CDH1: variants seen among roughly 807,000 people sequenced by gnomAD.
CDH1 encodes the protein cadherin 1, also known as cadherin-1.
CDH1 carries 35 observed loss-of-function variants against 84.5 expected under a neutral mutation model. The observed-to-expected ratio is 0.41, with a 90% confidence interval of 0.32 to 0.55. The LOEUF (loss-of-function observed/expected upper bound fraction) is 0.55, where lower values mean the gene tolerates loss of function less well. Ranked by LOEUF, CDH1 falls within the 20% of genes least tolerant of loss-of-function variation. CDH1 has a pLI of 0.19. For missense variants in CDH1, 994 were observed against 1,126.6 expected (o/e 0.88, Z 1.68); for synonymous variants, 417 against 439.0 (o/e 0.95, Z 0.63).
rs1340886974 is a variant in CDH1, at chr16:68,835,022, AT to A, written c.*1524del. ...CCGTGGTTTGTACTCAAAGCCCAGA[AT>A]CCCCAAGTGCCTGCTTTTGATGATG... is the stretch of plus-strand genomic sequence containing the variant. On this transcript the variant is annotated 3_prime_UTR_variant, in exon 16 of 16. Transcript: ENST00000261769. 4.3e-6 allele frequency: 1 copy of A among 231,986 alleles called. No homozygotes were observed. The highest frequency in any genetic ancestry group is 6.0e-5 in the East Asian group (1 of 16,542). The allele number at this position is 231,986 out of a possible 1,614,324, so 14.4% of individuals were successfully genotyped here.
chr16:68,749,266 G>T (rs1199196103), intron 2 of CDH1, among the ~76,000 whole-genome samples: 1 of 152,230 alleles, frequency 6.6e-6, no homozygotes, highest in African/African-American at 2.4e-5. Flanking sequence ...GAACAATTCA[G>T]GGGAGGAAAA....
chr16:68,794,563 AGGGT>A (rs1960303182), intron 2 of CDH1, among the ~76,000 whole-genome samples: 5 of 151,636 alleles, frequency 3.3e-5, no homozygotes, highest in Non-Finnish European at 1.5e-5. Context: ...TTTGTCACCT[AGGGT>A]GGAGTGTGGT....
intron 10 of CDH1, among the ~76,000 whole-genome samples, chr16:68,818,586 C>G (rs1345941400): frequency 2.0e-5 from 3 of 147,674 alleles, no homozygotes; most frequent in African/African-American, 7.5e-5. Context: ...CGGTGGCTCA[C>G]GCCTGTAATC....
intron 5 of CDH1, among the ~76,000 whole-genome samples, chr16:68,809,778 G>A (rs184194593): frequency 2.0e-5 from 3 of 152,174 alleles, no homozygotes; most frequent in Non-Finnish European, 4.4e-5. Flanking sequence ...TGCCCACCTC[G>A]GCCTCCCAAA....
intron 2 of CDH1, among the ~76,000 whole-genome samples, chr16:68,790,104 C>T (rs1597876901): frequency 6.6e-6 from 1 of 152,128 alleles, no homozygotes; most frequent in South Asian, 2.1e-4. Flanking sequence ...CTGTGCAGCA[C>T]ATTAGACCCT....
chr16:68,785,730 C>T (rs1960029479), intron 2 of CDH1, among the ~76,000 whole-genome samples: 1 of 147,216 alleles, frequency 6.8e-6, no homozygotes, highest in Non-Finnish European at 1.5e-5. Flanking sequence ...CCCTGCAGAG[C>T]ATAAAGAGCT....
At chr16:68,832,300 T>A (rs1465803728) in intron 15 of CDH1, among the ~76,000 whole-genome samples, 1 of 151,876 alleles carries the variant, frequency 6.6e-6, no homozygotes, top group African/African-American at 2.4e-5. Flanking sequence ...TTTTTTTTTT[T>A]AAGTATGCTT....
In CDH1 at chr16:68,822,153, A is replaced by T. The variant is rs367849039; in HGVS notation, c.1864A>T (p.Asn622Tyr). ...CATCATTGATGCAGACCTTCCTCCC[A>T]ATACATCTCCCTTCACAGCAGAACT... The part of the protein sequence containing the change: ...INIIDADLPP[N>Y]TSPFTAELTH... Residue 622 changes from asparagine (N) to tyrosine (Y), a missense_variant, in exon 12 of 16, where the codon AAT (asparagine) becomes TAT (tyrosine). By Grantham distance (143) the Asn-to-Tyr change is moderately radical. This residue lies in a region of CDH1 where 769 missense variants were observed against 881.8 expected (regional missense o/e 0.87). Coordinates refer to ENST00000261769, the MANE Select transcript of CDH1 (RefSeq NM_004360.5). The T allele has an allele frequency of 4.3e-6, 7 of 1,613,996 alleles. No individual in the cohort carries two copies. The highest frequency in any genetic ancestry group is 5.9e-6 in the Non-Finnish European group (7 of 1,180,022).
chr16:68,798,804 A>G (rs1483108365), intron 2 of CDH1, among the ~76,000 whole-genome samples: 5 of 152,142 alleles, frequency 3.3e-5, no homozygotes, highest in African/African-American at 9.7e-5. Flanking sequence ...TTTGAAGAGC[A>G]TCTGGTTTTG....
intron 2 of CDH1, among the ~76,000 whole-genome samples, chr16:68,766,895 T>C (rs1470587156): frequency 1.3e-5 from 2 of 151,542 alleles, no homozygotes; most frequent in African/African-American, 2.4e-5. Context: ...GCCCGGCTGA[T>C]TTTTTGTATT....
chr16:68,801,310 T>C (rs1342720779), intron 2 of CDH1, among the ~76,000 whole-genome samples: 1 of 152,076 alleles, frequency 6.6e-6, no homozygotes, highest in Non-Finnish European at 1.5e-5. Flanking sequence ...GAGACAGGGT[T>C]TCATCATGTT....
chr16:68,766,784 G>A (rs1959402119), intron 2 of CDH1, among the ~76,000 whole-genome samples: 1 of 151,942 alleles, frequency 6.6e-6, no homozygotes. Flanking sequence ...CTGGAGTGCG[G>A]TGGTGTGATC....
intron 2 of CDH1, among the ~76,000 whole-genome samples, chr16:68,756,294 A>C (rs1429385382): frequency 2.6e-5 from 4 of 152,074 alleles, no homozygotes; most frequent in African/African-American, 9.7e-5. Flanking sequence ...GTTGGTGGGG[A>C]GAGTTGTGGC....
rs1697473874 is a variant in CDH1, at chr16:68,813,703, C to T, written c.1320+208C>T. On this transcript the variant is annotated intron_variant, in intron 9 of 15. Transcript: ENST00000261769. Reference sequence around the variant, plus strand: ...CTGTGCTGTGTGTGGTGGCTCACGCCTGTAATCCCAGCACTTAGGGACGCT... The same window carrying T: ...CTGTGCTGTGTGTGGTGGCTCACGCTTGTAATCCCAGCACTTAGGGACGCT... The T allele has an allele frequency of 8.6e-6, 6 of 696,854 alleles. No homozygotes were observed. In the Admixed American group the frequency reaches 9.2e-5, roughly 11 times the overall value. The allele number at this position is 696,854 out of a possible 1,614,324, so 43.2% of individuals were successfully genotyped here. A position where few individuals can be genotyped will look rare whatever the true frequency, so the allele number is the denominator to read the frequency against.
chr16:68,748,660 G>A (rs1006592936), intron 2 of CDH1, among the ~76,000 whole-genome samples: 2 of 152,174 alleles, frequency 1.3e-5, no homozygotes, highest in African/African-American at 4.8e-5. Flanking sequence ...AGGTGAGCCT[G>A]CTGGGTCCAG....
intron 14 of CDH1, among the ~76,000 whole-genome samples, chr16:68,829,381 G>T (rs551927609): frequency 2.0e-5 from 3 of 152,156 alleles, no homozygotes; most frequent in Non-Finnish European, 4.4e-5. Context: ...GCCAAACAGT[G>T]ATCTAATCAT....
intron 10 of CDH1, among the ~76,000 whole-genome samples, chr16:68,818,866 A>G (rs1006437569): frequency 3.0e-4 from 45 of 150,906 alleles, no homozygotes; most frequent in Non-Finnish European, 2.5e-4. Flanking sequence ...AAAAAAAAAA[A>G]AAAAGAAAGA....
intron 2 of CDH1, among the ~76,000 whole-genome samples, chr16:68,763,854 T>G (rs1373215360): frequency 6.6e-6 from 1 of 152,214 alleles, no homozygotes; most frequent in East Asian, 1.9e-4. Context: ...TGTTTAAGTC[T>G]GGGGTGAGTC....
chr16:68,760,086 A>ATATAT (rs1486542814), intron 2 of CDH1, among the ~76,000 whole-genome samples: 1,809 of 122,082 alleles, frequency 0.015, 19 homozygotes, highest in Middle Eastern at 0.027. Context: ...ATATATATAT[A>ATATAT]TTTTTTTTTT....
Sources: allele counts gnomAD v4.1 joint callset (sites outside exome capture counted in the v4.1 genomes callset), GRCh38; gene constraint gnomAD v4.1.1; regional missense constraint gnomAD v4.1.1; transcripts MANE v1.5; gene names NCBI Gene and HGNC (gene_info 2026-07-23, HGNC 2026-07-21).